Variants in LRRC3B observed in about 807,000 individuals in gnomAD.
The protein encoded by LRRC3B is leucine rich repeat containing 3B.
In LRRC3B, 2 loss-of-function variants were observed where a neutral mutation model predicts 12.8. The ratio of observed to expected loss-of-function variants is 0.16; its 90% CI spans 0.06 to 0.49. The LOEUF (loss-of-function observed/expected upper bound fraction) is 0.49, where lower values mean the gene tolerates loss of function less well. Among genes scored for constraint, LRRC3B ranks in the 20% least tolerant of loss-of-function variants. The pLI is 0.96. For synonymous variants in LRRC3B, 132 were observed against 122.0 expected (o/e 1.08, Z -0.54); for missense variants, 189 against 319.4 (o/e 0.59, Z 3.11).
rs148197338 is a variant in LRRC3B at position 26,693,514 on chromosome 3, T to C, written c.-160-15999T>C. ...CCTGTTAATTTAAGGAGCTTTAAAG[T>C]TGCATTGCAAAAGACCATGGATAAT... On this transcript the variant is annotated intron_variant, in intron 1 of 1. Coordinates refer to ENST00000396641, the Ensembl canonical transcript of LRRC3B. Among the ~76,000 whole-genome samples the C allele has an allele frequency of 4.8e-3, 727 of 152,204 alleles. 2 individuals carry two copies. The highest frequency in any genetic ancestry group is 0.016 in the African/African-American group (679 of 41,526).
intron 1 of LRRC3B, among the ~76,000 whole-genome samples, chr3:26,691,091 ATGTGTG>A (rs1164705682): frequency 3.7e-5 from 4 of 107,392 alleles, no homozygotes; most frequent in South Asian, 3.5e-4. Context: ...GTGTGTGTAT[ATGTGTG>A]TGTGTGTGTA....
chr3:26,690,739 A>G (rs1210133392), intron 1 of LRRC3B, among the ~76,000 whole-genome samples: 1 of 151,976 alleles, frequency 6.6e-6, no homozygotes, highest in Admixed American at 6.6e-5. Context: ...AAAAATCTAT[A>G]TCTAACTGAG....
chr3:26,674,248 C>T (rs1699811978), intron 1 of LRRC3B, among the ~76,000 whole-genome samples: 1 of 152,102 alleles, frequency 6.6e-6, no homozygotes, highest in Non-Finnish European at 1.5e-5. Flanking sequence ...GCACCATCTC[C>T]AATTCAACAG....
intron 1 of LRRC3B, among the ~76,000 whole-genome samples, chr3:26,648,727 A>G (rs895033714): frequency 6.6e-6 from 1 of 152,206 alleles, no homozygotes; most frequent in South Asian, 2.1e-4. Flanking sequence ...TAGCACACAA[A>G]GATTTTGATG....
intron 1 of LRRC3B, among the ~76,000 whole-genome samples, chr3:26,639,982 C>A (rs12493222): frequency 0.25 from 38,003 of 151,856 alleles, 5,012 homozygotes; most frequent in African/African-American, 0.33. Context: ...AAGTTAATGT[C>A]TCTACACCAA....
intron 1 of LRRC3B, among the ~76,000 whole-genome samples, chr3:26,671,011 C>CTTTTTTTTTTTTTT (rs762788262): frequency 1.0e-5 from 1 of 95,558 alleles, no homozygotes; most frequent in East Asian, 4.0e-4. Flanking sequence ...TCTCATGTAT[C>CTTTTTTTTTTTTTT]TTTTTTTTTT....
intron 1 of LRRC3B, among the ~76,000 whole-genome samples, chr3:26,696,823 G>C (rs1169243249): frequency 6.6e-6 from 1 of 152,102 alleles, no homozygotes; most frequent in Non-Finnish European, 1.5e-5. Context: ...AAAGACCAAA[G>C]AAGAATGTAT....
chr3:26,694,209 C>A (rs1700253725), intron 1 of LRRC3B, among the ~76,000 whole-genome samples: 1 of 152,142 alleles, frequency 6.6e-6, no homozygotes, highest in Non-Finnish European at 1.5e-5. Context: ...GCATTTCAAT[C>A]TGAATGTATT....
At chr3:26,628,469 C>T (rs1698678831) in intron 1 of LRRC3B, among the ~76,000 whole-genome samples, 1 of 147,898 alleles carries the variant, frequency 6.8e-6, no homozygotes, top group Non-Finnish European at 1.5e-5. Context: ...AAGCTTTACC[C>T]TTATTGATTT....
chr3:26,706,448 CTT>C (rs1284483362), intron 1 of LRRC3B, among the ~76,000 whole-genome samples: 3 of 152,140 alleles, frequency 2.0e-5, no homozygotes, highest in Admixed American at 6.6e-5. Context: ...ATTTTATTCT[CTT>C]TTTATCAAAC....
At chr3:26,691,846 CAG>C (rs2125449964) in intron 1 of LRRC3B, among the ~76,000 whole-genome samples, 1 of 152,320 alleles carries the variant, frequency 6.6e-6, no homozygotes, top group East Asian at 1.9e-4. Context: ...CCTGAATTAA[CAG>C]AATGTTATTT....
intron 1 of LRRC3B, among the ~76,000 whole-genome samples, chr3:26,673,325 T>TTAGA (rs1699791820): frequency 6.6e-6 from 1 of 152,178 alleles, no homozygotes. Flanking sequence ...TGCTGTGCCT[T>TTAGA]TAGATACACT....
At chr3:26,703,225 T>G (rs1319259663) in intron 1 of LRRC3B, among the ~76,000 whole-genome samples, 1 of 152,150 alleles carries the variant, frequency 6.6e-6, no homozygotes, top group Non-Finnish European at 1.5e-5. Context: ...GATAACCTGA[T>G]CATATAAATA....
intron 1 of LRRC3B, among the ~76,000 whole-genome samples, chr3:26,630,990 C>T (rs1698745517): frequency 6.6e-6 from 1 of 152,156 alleles, no homozygotes; most frequent in African/African-American, 2.4e-5. Context: ...ATCTTCCTCC[C>T]CAGACCAGTT....
Position 26,709,637 on chromosome 3 carries a change from TG to T in LRRC3B, c.-35del, listed in dbSNP as rs1307054716. On this transcript the variant is annotated 5_prime_UTR_variant, in exon 2 of 2. An upstream start codon of the reference 5' UTR is lost. Transcript: ENST00000396641. ...CCTTTACCACGCTTGTTGGAGTAGA[TG>T]AGGAATGGGCTCGTGATTATGCTGA... 6 of 1,595,836 alleles carry T rather than the reference TG, an allele frequency of 3.8e-6. No individual in the cohort carries two copies. The highest frequency in any genetic ancestry group is 5.1e-6 in the Non-Finnish European group (6 of 1,169,302).
intron 1 of LRRC3B, among the ~76,000 whole-genome samples, chr3:26,695,427 C>T (rs1826220): frequency 0.51 from 77,725 of 151,874 alleles, 22,724 homozygotes; most frequent in African/African-American, 0.79. Context: ...CTTGGGAGGC[C>T]GAGGCAGGAG....
intron 1 of LRRC3B, among the ~76,000 whole-genome samples, chr3:26,692,064 C>CTAT (rs1700204302): frequency 6.6e-6 from 1 of 152,170 alleles, no homozygotes; most frequent in African/African-American, 2.4e-5. Flanking sequence ...CACACAGGCT[C>CTAT]TATTTCCAAG....
intron 1 of LRRC3B, among the ~76,000 whole-genome samples, chr3:26,659,148 A>T (rs1699440469): frequency 6.6e-6 from 1 of 152,226 alleles, no homozygotes; most frequent in Admixed American, 6.5e-5. Context: ...CTTTGCAAAT[A>T]CTAACTTATT....
chr3:26,645,220 A>C (rs1699118328), intron 1 of LRRC3B, among the ~76,000 whole-genome samples: 1 of 152,188 alleles, frequency 6.6e-6, no homozygotes, highest in South Asian at 2.1e-4. Flanking sequence ...TGTCATGTGG[A>C]TTAAGAAGCA....
Sources: allele counts gnomAD v4.1 joint callset (sites outside exome capture counted in the v4.1 genomes callset), GRCh38; gene constraint gnomAD v4.1.1; transcripts MANE v1.5; gene names NCBI Gene and HGNC (gene_info 2026-07-23, HGNC 2026-07-21).